ANKRD17: variants seen among roughly 807,000 people sequenced by gnomAD.
ANKRD17 encodes the protein ankyrin repeat domain-containing protein 17.
A neutral mutation model predicts 229.7 loss-of-function variants in ANKRD17; 19 were observed. That is an observed-to-expected ratio of 0.08 (90% CI 0.06 to 0.12). The LOEUF (loss-of-function observed/expected upper bound fraction) is 0.12. Ranked by LOEUF, ANKRD17 falls within the 10% of genes least tolerant of loss-of-function variation. The pLI is 1.00. For synonymous variants in ANKRD17, 1,112 were observed against 1,146.1 expected (o/e 0.97, Z 0.60); for missense variants, 2,176 against 3,176.8 (o/e 0.68, Z 7.57).
chr4:73,128,572 G>A (rs1727779870), intron 16 of ANKRD17, among the ~76,000 whole-genome samples: 1 of 152,100 alleles, frequency 6.6e-6, no homozygotes, highest in Non-Finnish European at 1.5e-5. Context: ...CATTTATTAA[G>A]CACCTTTTAT....
rs1723624905 is a variant in ANKRD17, at chr4:73,098,974, G to A, written c.4574-454C>T. The A allele has an allele frequency of 3.1e-5, 31 of 990,768 alleles. No homozygotes were observed. The South Asian group carries it at 4.0e-4, about 13-fold the overall frequency. 61.4% of individuals were successfully genotyped at this position (990,768 alleles called of 1,614,324 possible). On this transcript the variant is annotated intron_variant, in intron 25 of 33. Coordinates refer to ENST00000358602, the MANE Select transcript of ANKRD17 (RefSeq NM_032217.5). Reference sequence around the variant, plus strand: ...GGAGTCAGAAGGAGCCCAGTGAAGTGCCAACACCTAAGAGACCTTGGGGCC... The same window carrying A: ...GGAGTCAGAAGGAGCCCAGTGAAGTACCAACACCTAAGAGACCTTGGGGCC...
rs775284804 is a variant in ANKRD17, at chr4:73,077,119, A to G, written c.7588-15T>C. 3 of 1,552,242 alleles carry G rather than the reference A, an allele frequency of 1.9e-6. No homozygotes were observed. The East Asian group carries it at 6.9e-5, about 36-fold the overall frequency. ...AAAGGCATACCCTTAAAAAAGGAAA[A>G]CACACACATTAACATCCAAGTCATT... On this transcript the variant is annotated splice_polypyrimidine_tract_variant and intron_variant, in intron 32 of 33. Coordinates refer to ENST00000358602, the MANE Select transcript of ANKRD17 (RefSeq NM_032217.5).
chr4:73,145,916 C>T (rs779923119), intron 10 of ANKRD17, among the ~76,000 whole-genome samples: 8 of 151,864 alleles, frequency 5.3e-5, no homozygotes, highest in African/African-American at 1.7e-4. Context: ...CTTGTTGCTG[C>T]CTGCACATGA....
At chr4:73,109,703 AG>A (rs1725068448) in intron 24 of ANKRD17, among the ~76,000 whole-genome samples, 1 of 152,300 alleles carries the variant, frequency 6.6e-6, no homozygotes, top group South Asian at 2.1e-4. Flanking sequence ...TCAGCATAAA[AG>A]GGTTCGTTGT....
At chr4:73,105,246 A>G (rs1302662407) in intron 24 of ANKRD17, among the ~76,000 whole-genome samples, 4 of 152,134 alleles carry the variant, frequency 2.6e-5, no homozygotes, top group South Asian at 2.1e-4. Flanking sequence ...AAGAGGCATC[A>G]TAAGTTTGCA....
In ANKRD17 at chr4:73,205,513, T is replaced by C. The variant is rs1240397132; in HGVS notation, c.394-27980A>G. 5.3e-5 allele frequency among the ~76,000 whole-genome samples: 8 copies of C among 152,186 alleles called. No homozygotes were observed. In the Middle Eastern group the frequency reaches 0.01, roughly 194 times the overall value. Reference sequence around the variant, plus strand: ...TGAAAAGAACAGTAATTTCAATAAGTAGTGCTGGGAGAACTAGATACTGAC... The same window carrying C: ...TGAAAAGAACAGTAATTTCAATAAGCAGTGCTGGGAGAACTAGATACTGAC... On this transcript the variant is annotated intron_variant, in intron 1 of 33. Coordinates refer to ENST00000358602, the MANE Select transcript of ANKRD17 (RefSeq NM_032217.5).
chr4:73,186,209 T>C (rs1578318592), intron 1 of ANKRD17, among the ~76,000 whole-genome samples: 1 of 152,068 alleles, frequency 6.6e-6, no homozygotes, highest in African/African-American at 2.4e-5. Context: ...CAATTCTTAA[T>C]GGGGTAAATT....
intron 25 of ANKRD17, chr4:73,101,220 C>A (rs1258141658): frequency 1.0e-6 from 1 of 976,144 alleles, no homozygotes; most frequent in Non-Finnish European, 1.2e-6. Flanking sequence ...TCCCAAATAA[C>A]CTTTTGATTA....
At chr4:73,158,772 T>C (rs1732114013) in intron 3 of ANKRD17, among the ~76,000 whole-genome samples, 2 of 152,228 alleles carry the variant, frequency 1.3e-5, no homozygotes, top group Admixed American at 6.5e-5. Flanking sequence ...GGAGTGAGAC[T>C]GGGTAGGCTT....
At chr4:73,204,358 CAAAAAAAA>C (rs374000000) in intron 1 of ANKRD17, among the ~76,000 whole-genome samples, 20 of 59,146 alleles carry the variant, frequency 3.4e-4, no homozygotes, top group Admixed American at 2.1e-3. Context: ...GAGACTCCGT[CAAAAAAAA>C]AAAAAAAAAA....
intron 1 of ANKRD17, among the ~76,000 whole-genome samples, chr4:73,215,124 A>T (rs1304813227): frequency 6.6e-6 from 1 of 152,318 alleles, no homozygotes; most frequent in Non-Finnish European, 1.5e-5. Flanking sequence ...CATTTCAAGA[A>T]AAACAATTCA....
At chr4:73,110,306 T>G (rs1372107098) in intron 24 of ANKRD17, among the ~76,000 whole-genome samples, 1 of 152,208 alleles carries the variant, frequency 6.6e-6, no homozygotes, top group African/African-American at 2.4e-5. Context: ...AAATGTTTAC[T>G]TAATAAGTAT....
At chr4:73,151,021 CTTTT>C (rs1474829072) in intron 7 of ANKRD17, among the ~76,000 whole-genome samples, 2 of 151,732 alleles carry the variant, frequency 1.3e-5, no homozygotes, top group Non-Finnish European at 2.9e-5. Context: ...TTCCTTTTTT[CTTTT>C]TTTAACATTT....
intron 1 of ANKRD17, among the ~76,000 whole-genome samples, chr4:73,247,882 G>A (rs1198492691): frequency 1.3e-5 from 2 of 151,622 alleles, no homozygotes; most frequent in African/African-American, 4.9e-5. Context: ...TTCAGGTAAT[G>A]ATTAATTCTG....
At chr4:73,227,396 G>A (rs1435194446) in intron 1 of ANKRD17, among the ~76,000 whole-genome samples, 9 of 151,852 alleles carry the variant, frequency 5.9e-5, no homozygotes, top group African/African-American at 1.7e-4. Context: ...TCAAGTGACC[G>A]CCTGCCTTGG....
intron 16 of ANKRD17, among the ~76,000 whole-genome samples, chr4:73,127,691 T>C (rs1041867615): frequency 6.6e-6 from 1 of 152,178 alleles, no homozygotes; most frequent in Admixed American, 6.5e-5. Flanking sequence ...TGAATGGCAA[T>C]AGCTGCAAAA....
In ANKRD17 at chr4:73,113,022, A is replaced by G. The variant is rs1578086457; in HGVS notation, c.4401+770T>C. ...AGGCTGGTCTCAAGCTCCTGACCTC[A>G]GGTGATGTGCCCGCCTCGGCCTCCC... is the stretch of plus-strand genomic sequence containing the variant. On this transcript the variant is annotated intron_variant, in intron 24 of 33. Coordinates refer to ENST00000358602, the MANE Select transcript of ANKRD17 (RefSeq NM_032217.5). The G allele has an allele frequency of 2.1e-5, 20 of 967,802 alleles. No homozygotes were observed. The South Asian group carries it at 4.4e-4, about 21-fold the overall frequency. The allele number at this position is 967,802 out of a possible 1,614,324, so 60.0% of individuals were successfully genotyped here.
chr4:73,091,742 T>C lies in ANKRD17; in HGVS notation c.5886A>G (p.Ala1962=), dbSNP rs1722817636. The C allele has an allele frequency of 6.2e-7, 1 of 1,614,192 alleles. No homozygotes were observed. Among genetic ancestry groups the C allele is most frequent in the East Asian group, 2.2e-5 (1 of 44,886 alleles). Residue 1962 remains alanine (A), a synonymous_variant, in exon 29 of 34, where the codon GCA becomes GCG. Coordinates refer to ENST00000358602, the MANE Select transcript of ANKRD17 (RefSeq NM_032217.5). ...QNSSGSQVNS[A]GSLTSSPTTT... ...TTGTTGGGCTTGAAGTTAAAGAACCTGCTGAATTCACCTGAGAACCACTGC... is the reference window on the plus strand; with the variant it reads ...TTGTTGGGCTTGAAGTTAAAGAACCCGCTGAATTCACCTGAGAACCACTGC...
rs149164407 is a variant in ANKRD17, at chr4:73,139,763, C to T, written c.2853G>A (p.Ala951=). The change falls in exon 15 of 34, where the codon GCG becomes GCA. Residue 951 remains alanine, a synonymous_variant. Coordinates refer to ENST00000358602, the MANE Select transcript of ANKRD17 (RefSeq NM_032217.5). ...PQQTAAQMGF[A]PIQPLAMPQA... ...GAGGCATCGCCAGAGGCTGGATTGGCGCAAAACCCATCTGAGCAGCAGTCT... is the reference window on the plus strand; with the variant it reads ...GAGGCATCGCCAGAGGCTGGATTGGTGCAAAACCCATCTGAGCAGCAGTCT... 927 of 1,614,118 alleles carry T rather than the reference C, an allele frequency of 5.7e-4. 5 individuals are homozygous for T. The African/African-American group carries it at 9.2e-3, about 16-fold the overall frequency.
Sources: gnomAD v4.1 joint callset for allele counts (sites outside exome capture counted in the v4.1 genomes callset) on GRCh38, gnomAD v4.1.1 for gene constraint, MANE v1.5 for transcripts, NCBI Gene and HGNC (gene_info 2026-07-23, HGNC 2026-07-21) for gene names.